The following SCHIP1 variants were observed in gnomAD, a reference collection of about 807,000 sequenced individuals.
SCHIP1 encodes schwannomin-interacting protein 1.
Under a neutral mutation model 29.7 loss-of-function variants are expected in SCHIP1, and 8 were observed. The ratio of observed to expected loss-of-function variants is 0.27; its 90% CI spans 0.16 to 0.49. The LOEUF (loss-of-function observed/expected upper bound fraction) is 0.49, where lower values mean the gene tolerates loss of function less well. Ranked by LOEUF, SCHIP1 falls within the 20% of genes least tolerant of loss-of-function variation. The pLI, the probability that SCHIP1 is intolerant of heterozygous loss-of-function variation, is 0.99. For synonymous variants in SCHIP1, 76 were observed against 94.9 expected (o/e 0.80, Z 1.16); for missense variants, 193 against 294.6 (o/e 0.66, Z 2.52).
the SCHIP1 span, among the ~76,000 whole-genome samples, chr3:159,544,268 T>C: frequency 1.3e-5 from 2 of 152,106 alleles, no homozygotes; most frequent in Admixed American, 1.3e-4. Flanking sequence ...AAAATTTTTA[T>C]GTTAAATTTC....
the SCHIP1 span, among the ~76,000 whole-genome samples, chr3:159,276,202 T>C: frequency 2.0e-5 from 3 of 152,200 alleles, no homozygotes; most frequent in Non-Finnish European, 2.9e-5. Flanking sequence ...CTCCATCACA[T>C]ATTCCTGTAG....
chr3:159,311,015 G>GAAAACC, the SCHIP1 span, among the ~76,000 whole-genome samples: 1 of 152,074 alleles, frequency 6.6e-6, no homozygotes, highest in Non-Finnish European at 1.5e-5. Flanking sequence ...CATATCATAT[G>GAAAACC]ATAGTTTTTA....
chr3:159,363,319 A>G, the SCHIP1 span, among the ~76,000 whole-genome samples: 1 of 152,242 alleles, frequency 6.6e-6, no homozygotes, highest in Non-Finnish European at 1.5e-5. Flanking sequence ...ATCAAGAACC[A>G]TGTCCTTAGG....
At chr3:159,644,942 G>A in the SCHIP1 span, among the ~76,000 whole-genome samples, 4 of 152,074 alleles carry the variant, frequency 2.6e-5, no homozygotes, top group Admixed American at 6.6e-5. Flanking sequence ...AGGCTGGAAT[G>A]AGAATATTTA....
At chr3:159,417,551 C>T in the SCHIP1 span, among the ~76,000 whole-genome samples, 2 of 152,146 alleles carry the variant, frequency 1.3e-5, no homozygotes, top group African/African-American at 4.8e-5. Context: ...TAAACATTTT[C>T]TAGATATATG....
the SCHIP1 span, among the ~76,000 whole-genome samples, chr3:159,468,281 A>G: frequency 1.3e-5 from 2 of 152,252 alleles, no homozygotes; most frequent in African/African-American, 4.8e-5. Flanking sequence ...TTAGCCCTCA[A>G]GGTATATATG....
chr3:159,527,360 T>TCC, the SCHIP1 span, among the ~76,000 whole-genome samples: 1 of 152,332 alleles, frequency 6.6e-6, no homozygotes, highest in Admixed American at 6.5e-5. Flanking sequence ...GTGTAGTTAT[T>TCC]CCCTTCCCAA....
the SCHIP1 span, among the ~76,000 whole-genome samples, chr3:159,301,309 C>T: frequency 6.6e-6 from 1 of 152,120 alleles, no homozygotes; most frequent in Admixed American, 6.5e-5. Context: ...TTCCAGAGAC[C>T]ATGCTCCTAA....
the SCHIP1 span, among the ~76,000 whole-genome samples, chr3:159,521,615 G>T: frequency 1.3e-5 from 2 of 152,214 alleles, no homozygotes; most frequent in Non-Finnish European, 2.9e-5. Flanking sequence ...GAGTTCGACA[G>T]TTTGAATACT....
chr3:159,463,393 C>A, the SCHIP1 span, among the ~76,000 whole-genome samples: 1 of 151,952 alleles, frequency 6.6e-6, no homozygotes, highest in Non-Finnish European at 1.5e-5. Flanking sequence ...TTAAACACAG[C>A]CACAATGATA....
At chr3:159,610,274 G>C in the SCHIP1 span, among the ~76,000 whole-genome samples, 1 of 152,248 alleles carries the variant, frequency 6.6e-6, no homozygotes, top group South Asian at 2.1e-4. Context: ...AGCAGCAAAC[G>C]ATATAAAATA....
At chr3:159,492,965 G>T in the SCHIP1 span, among the ~76,000 whole-genome samples, 1 of 152,222 alleles carries the variant, frequency 6.6e-6, no homozygotes, top group Admixed American at 6.5e-5. Flanking sequence ...TTAAAGAAAA[G>T]AAGTTTCAAC....
the SCHIP1 span, among the ~76,000 whole-genome samples, chr3:159,665,430 C>A: frequency 6.6e-6 from 1 of 152,092 alleles, no homozygotes; most frequent in Non-Finnish European, 1.5e-5. Flanking sequence ...AGAGCATGGG[C>A]CCCCACACCC....
chr3:159,645,730 A>C, the SCHIP1 span, among the ~76,000 whole-genome samples: 1 of 152,098 alleles, frequency 6.6e-6, no homozygotes, highest in Non-Finnish European at 1.5e-5. Flanking sequence ...GAGAGGAAAA[A>C]TAGAGAAATA....
chr3:159,637,713 C>A, the SCHIP1 span, among the ~76,000 whole-genome samples: 71 of 152,048 alleles, frequency 4.7e-4, no homozygotes, highest in Non-Finnish European at 1.6e-4. Context: ...TAACATTTTC[C>A]TTTTGAGAGT....
the SCHIP1 span, among the ~76,000 whole-genome samples, chr3:159,307,526 T>A: frequency 7.5e-5 from 11 of 146,152 alleles, no homozygotes; most frequent in African/African-American, 2.4e-4. Flanking sequence ...TTAATTTAAA[T>A]TTTTTTTTGA....
the SCHIP1 span, among the ~76,000 whole-genome samples, chr3:159,499,630 C>G: frequency 6.6e-6 from 1 of 152,208 alleles, no homozygotes; most frequent in South Asian, 2.1e-4. Flanking sequence ...TTATGTAGCC[C>G]CACCTCCAGG....
At chr3:159,514,387 T>C in the SCHIP1 span, among the ~76,000 whole-genome samples, 1 of 152,240 alleles carries the variant, frequency 6.6e-6, no homozygotes, top group Admixed American at 6.5e-5. Context: ...ACCTATTTGT[T>C]TATAAAGTAC....
chr3:159,609,234 G>A, the SCHIP1 span, among the ~76,000 whole-genome samples: 1 of 152,238 alleles, frequency 6.6e-6, no homozygotes, highest in East Asian at 1.9e-4. Context: ...TAGCAATGAG[G>A]AGGAACCAAC....
Sources: gnomAD v4.1 joint callset for allele counts (sites outside exome capture counted in the v4.1 genomes callset) on GRCh38, gnomAD v4.1.1 for gene constraint, MANE v1.5 for transcripts, NCBI Gene and HGNC (gene_info 2026-07-23, HGNC 2026-07-21) for gene names.